Variants in NRG3 observed in about 807,000 individuals in gnomAD.
NRG3 encodes pro-neuregulin-3, membrane-bound isoform.
Under a neutral mutation model 66.9 loss-of-function variants are expected in NRG3, and 31 were observed. That is an observed-to-expected ratio of 0.46 (90% CI 0.35 to 0.63). The LOEUF is 0.63. Among genes scored for constraint, NRG3 ranks in the 20% least tolerant of loss-of-function variants. The pLI, the probability that NRG3 is intolerant of heterozygous loss-of-function variation, is 0.00. For missense variants in NRG3, 910 were observed against 878.9 expected (o/e 1.04, Z -0.45); for synonymous variants, 393 against 359.4 (o/e 1.09, Z -1.06).
intron 2 of NRG3, among the ~76,000 whole-genome samples, chr10:82,694,187 T>C (rs1358006796): frequency 2.0e-5 from 3 of 152,072 alleles, no homozygotes; most frequent in African/African-American, 4.8e-5. Context: ...TACAGAGTGC[T>C]GATTGGTGCA....
intron 2 of NRG3, among the ~76,000 whole-genome samples, chr10:82,569,465 G>C (rs2045602536): frequency 6.6e-6 from 1 of 151,608 alleles, no homozygotes; most frequent in Admixed American, 6.6e-5. Context: ...GGTCAGATAT[G>C]AGATCATAGT....
chr10:82,903,153 T>C (rs1271096822), intron 4 of NRG3, among the ~76,000 whole-genome samples: 1 of 152,128 alleles, frequency 6.6e-6, no homozygotes, highest in Non-Finnish European at 1.5e-5. Flanking sequence ...AATGTAAAGA[T>C]GTAGTATTAT....
rs2048273829 is a variant in NRG3 at position 82,610,913 on chromosome 10, C to G, written c.954-127664C>G. On this transcript the variant is annotated intron_variant, in intron 2 of 8. Coordinates refer to ENST00000372141, the MANE Select transcript of NRG3 (RefSeq NM_001010848.4). ...GAAAGGACAAATATTTTAACCAAAT[C>G]TATATTTTGGAAATAATTAATAATA... 2.6e-5 allele frequency among the ~76,000 whole-genome samples: 4 copies of G among 152,160 alleles called. No individual in the cohort carries two copies. The South Asian group carries it at 8.3e-4, about 32-fold the overall frequency.
chr10:82,553,468 G>A (rs1025798953), intron 2 of NRG3, among the ~76,000 whole-genome samples: 1 of 152,020 alleles, frequency 6.6e-6, no homozygotes, highest in South Asian at 2.1e-4. Context: ...GTACCCCTGA[G>A]TTACTAATTT....
At chr10:82,697,309 T>A (rs1167693349) in intron 2 of NRG3, among the ~76,000 whole-genome samples, 1 of 152,166 alleles carries the variant, frequency 6.6e-6, no homozygotes, top group South Asian at 2.1e-4. Context: ...CTAAACCTGC[T>A]TAAGGTAACT....
intron 1 of NRG3, among the ~76,000 whole-genome samples, chr10:82,237,748 C>T (rs955184088): frequency 3.6e-4 from 54 of 152,020 alleles, no homozygotes; most frequent in African/African-American, 1.1e-3. Flanking sequence ...AAGAAGACTG[C>T]GAGTATACCA....
intron 1 of NRG3, among the ~76,000 whole-genome samples, chr10:82,001,562 A>G (rs909304230): frequency 1.3e-5 from 2 of 152,064 alleles, no homozygotes; most frequent in Admixed American, 6.6e-5. Context: ...GAAGAGAGGA[A>G]TGAATGAAAA....
intron 6 of NRG3, 89 bp downstream of exon 6, chr10:82,959,164 A>G: frequency 1.4e-6 from 2 of 1,410,148 alleles, no homozygotes; most frequent in Non-Finnish European, 1.9e-6. Context: ...AGACTTGTAA[A>G]TATTTTTCAG....
intron 2 of NRG3, among the ~76,000 whole-genome samples, chr10:82,604,775 A>G (rs774372924): frequency 6.6e-6 from 1 of 152,188 alleles, no homozygotes; most frequent in Non-Finnish European, 1.5e-5. Flanking sequence ...AATGGTGCTG[A>G]AACAACTGAA....
chr10:81,954,160 C>G (rs979533040), intron 1 of NRG3, among the ~76,000 whole-genome samples: 1 of 151,970 alleles, frequency 6.6e-6, no homozygotes, highest in African/African-American at 2.4e-5. Flanking sequence ...GATGAGGGGG[C>G]TGATGAGAGT....
At chr10:81,881,513 C>G (rs1312383664) in intron 1 of NRG3, among the ~76,000 whole-genome samples, 1 of 152,066 alleles carries the variant, frequency 6.6e-6, no homozygotes, top group Non-Finnish European at 1.5e-5. Flanking sequence ...TTATCTGATT[C>G]CACAACACAG....
At chr10:82,878,781 A>G (rs1351768828) in intron 4 of NRG3, among the ~76,000 whole-genome samples, 11 of 152,232 alleles carry the variant, frequency 7.2e-5, no homozygotes, top group African/African-American at 2.2e-4. Flanking sequence ...TAAAACATCC[A>G]TAAAAGCATA....
chr10:82,342,219 A>C (rs953657992), intron 1 of NRG3, among the ~76,000 whole-genome samples: 1 of 151,974 alleles, frequency 6.6e-6, no homozygotes, highest in African/African-American at 2.4e-5. Flanking sequence ...TAGTGCTGCC[A>C]AAAATATGCA....
intron 1 of NRG3, among the ~76,000 whole-genome samples, chr10:82,315,119 T>C (rs1398911234): frequency 6.6e-6 from 1 of 152,178 alleles, no homozygotes; most frequent in Non-Finnish European, 1.5e-5. Flanking sequence ...TTATGGTCCA[T>C]GGTTAAAATG....
chr10:82,258,718 T>A (rs1477851831), intron 1 of NRG3, among the ~76,000 whole-genome samples: 7 of 152,210 alleles, frequency 4.6e-5, no homozygotes, highest in Non-Finnish European at 1.5e-5. Context: ...TATCAAACAG[T>A]TACAACAAAC....
intron 2 of NRG3, among the ~76,000 whole-genome samples, chr10:82,558,943 A>C (rs1282111411): frequency 6.6e-6 from 1 of 152,162 alleles, no homozygotes; most frequent in Non-Finnish European, 1.5e-5. Context: ...CCTTCTAAAA[A>C]TATTAAATAT....
chr10:81,917,385 C>T (rs1227930626), intron 1 of NRG3, among the ~76,000 whole-genome samples: 3 of 152,084 alleles, frequency 2.0e-5, no homozygotes, highest in African/African-American at 7.2e-5. Context: ...CCAGCCACTA[C>T]GTGTGTCTTG....
intron 2 of NRG3, among the ~76,000 whole-genome samples, chr10:82,626,298 A>G (rs1385240460): frequency 6.6e-6 from 1 of 152,182 alleles, no homozygotes; most frequent in Non-Finnish European, 1.5e-5. Flanking sequence ...GATGGCATAG[A>G]AGAGAGAAAG....
intron 2 of NRG3, among the ~76,000 whole-genome samples, chr10:82,579,941 T>C (rs2046258037): frequency 6.6e-6 from 1 of 151,966 alleles, no homozygotes; most frequent in Non-Finnish European, 1.5e-5. Flanking sequence ...CTCCTTGGTA[T>C]CTGCAGTATC....
Sources: gnomAD v4.1 joint callset for allele counts (sites outside exome capture counted in the v4.1 genomes callset) on GRCh38, gnomAD v4.1.1 for gene constraint, MANE v1.5 for transcripts, NCBI Gene and HGNC (gene_info 2026-07-23, HGNC 2026-07-21) for gene names.